The following NXPH1 variants were observed in gnomAD, a reference collection of about 807,000 sequenced individuals.
The protein encoded by NXPH1 is neurexophilin-1.
In NXPH1, 5 loss-of-function variants were observed where a neutral mutation model predicts 23.7. The ratio of observed to expected loss-of-function variants is 0.21; its 90% CI spans 0.11 to 0.44. The LOEUF (loss-of-function observed/expected upper bound fraction) is 0.44, where lower values mean the gene tolerates loss of function less well. Among genes scored for constraint, NXPH1 ranks in the 20% least tolerant of loss-of-function variants. NXPH1 has a pLI of 0.99. For synonymous variants in NXPH1, 144 were observed against 122.2 expected (o/e 1.18, Z -1.18); for missense variants, 324 against 321.6 (o/e 1.01, Z -0.06).
intron 2 of NXPH1, among the ~76,000 whole-genome samples, chr7:8,699,846 C>A (rs1779593540): frequency 6.6e-6 from 1 of 152,110 alleles, no homozygotes; most frequent in Non-Finnish European, 1.5e-5. Flanking sequence ...CCTTGCTCTT[C>A]ATGGTGATTT....
At chr7:8,625,122 A>G (rs1335757357) in intron 2 of NXPH1, among the ~76,000 whole-genome samples, 1 of 152,184 alleles carries the variant, frequency 6.6e-6, no homozygotes, top group Non-Finnish European at 1.5e-5. Flanking sequence ...GTCCCTATGT[A>G]GAAATAGAAT....
At chr7:8,626,568 T>C (rs979124727) in intron 2 of NXPH1, among the ~76,000 whole-genome samples, 12 of 152,090 alleles carry the variant, frequency 7.9e-5, no homozygotes, top group African/African-American at 2.9e-4. Flanking sequence ...TGATAAGAGA[T>C]AGGATTCATT....
intron 2 of NXPH1, among the ~76,000 whole-genome samples, chr7:8,605,508 T>G (rs1387372241): frequency 6.6e-6 from 1 of 152,134 alleles, no homozygotes; most frequent in African/African-American, 2.4e-5. Context: ...ACATTACTTG[T>G]CACAGAGAGG....
intron 2 of NXPH1, among the ~76,000 whole-genome samples, chr7:8,483,748 AGCATCTTGGGATCCC>A (rs1817112336): frequency 1.3e-5 from 2 of 152,180 alleles, no homozygotes; most frequent in South Asian, 4.1e-4. Flanking sequence ...GTACTCTTGT[AGCATCTTGGGATCCC>A]CTGAAAATTT....
At chr7:8,543,373 C>G (rs1259248650) in intron 2 of NXPH1, among the ~76,000 whole-genome samples, 1 of 151,672 alleles carries the variant, frequency 6.6e-6, no homozygotes, top group South Asian at 2.1e-4. Flanking sequence ...CTTCTCTGAA[C>G]TCCTACAGAA....
In NXPH1 at chr7:8,614,331, C is replaced by T. The variant is rs1306099539; in HGVS notation, c.55-136677C>T. On this transcript the variant is annotated intron_variant, in intron 2 of 2. Coordinates refer to ENST00000405863, the MANE Select transcript of NXPH1 (RefSeq NM_152745.3). ...AAACATTGTAAGAATTTTATGTGTG[C>T]TCTCTAAATGCCTTCCAAAAGGTTG... Among the ~76,000 whole-genome samples the T allele has an allele frequency of 4.0e-5, 6 of 151,862 alleles. No individual in the cohort carries two copies. In the South Asian group the frequency reaches 1.2e-3, roughly 31 times the overall value.
At chr7:8,635,421 G>T (rs1031934546) in intron 2 of NXPH1, among the ~76,000 whole-genome samples, 3 of 152,142 alleles carry the variant, frequency 2.0e-5, no homozygotes, top group African/African-American at 7.2e-5. Flanking sequence ...TGGTATAAAT[G>T]CATTCAATCT....
chr7:8,627,494 T>A (rs1196108802), intron 2 of NXPH1, among the ~76,000 whole-genome samples: 3 of 152,140 alleles, frequency 2.0e-5, no homozygotes, highest in Non-Finnish European at 4.4e-5. Context: ...ACCATCACTC[T>A]TGGCTCTTTG....
Position 8,474,722 on chromosome 7 carries a change from C to A in NXPH1, c.54+38955C>A, listed in dbSNP as rs147742723. 3.9e-5 allele frequency among the ~76,000 whole-genome samples: 6 copies of A among 152,236 alleles called. No homozygotes were observed. In the East Asian group the frequency reaches 1.2e-3, roughly 29 times the overall value. On this transcript the variant is annotated intron_variant, in intron 2 of 2. Coordinates refer to ENST00000405863, the MANE Select transcript of NXPH1 (RefSeq NM_152745.3). ...ACTCAATCTAGCCCTGATCAGTCAC[C>A]TTTTTCTTCTAGTTCACTTCATCGA...
chr7:8,463,489 G>A (rs1249334598), intron 2 of NXPH1, among the ~76,000 whole-genome samples: 1 of 151,798 alleles, frequency 6.6e-6, no homozygotes, highest in Non-Finnish European at 1.5e-5. Context: ...CTGGGTCAAG[G>A]ATATGCCAAT....
At chr7:8,467,752 T>G (rs765695710) in intron 2 of NXPH1, among the ~76,000 whole-genome samples, 3 of 152,132 alleles carry the variant, frequency 2.0e-5, no homozygotes, top group South Asian at 2.1e-4. Flanking sequence ...AGTAACAAGA[T>G]AGCAACCTCT....
chr7:8,470,864 A>C (rs532707360), intron 2 of NXPH1, among the ~76,000 whole-genome samples: 1 of 151,892 alleles, frequency 6.6e-6, no homozygotes, highest in East Asian at 1.9e-4. Context: ...GCGATGATGA[A>C]AATTGATTTT....
Position 8,506,284 on chromosome 7 carries a change from A to G in NXPH1, c.54+70517A>G, listed in dbSNP as rs372886850. ...TACTCCAAGGGAAGACCAAAGAGTC[A>G]AAGACCCAAGTTTGAGTTTTGGCTA... On this transcript the variant is annotated intron_variant, in intron 2 of 2. Coordinates refer to ENST00000405863, the MANE Select transcript of NXPH1 (RefSeq NM_152745.3). Among the ~76,000 whole-genome samples the G allele has an allele frequency of 1.6e-4, 25 of 152,212 alleles. No homozygotes were observed. In the South Asian group the frequency reaches 1.7e-3, roughly 10 times the overall value.
intron 2 of NXPH1, among the ~76,000 whole-genome samples, chr7:8,669,493 G>A (rs1820832768): frequency 6.6e-6 from 1 of 152,190 alleles, no homozygotes; most frequent in South Asian, 2.1e-4. Context: ...AACTGGTTTT[G>A]GCACTAGCTT....
chr7:8,455,597 C>G (rs557049975), intron 2 of NXPH1, among the ~76,000 whole-genome samples: 2 of 151,812 alleles, frequency 1.3e-5, no homozygotes, highest in African/African-American at 4.8e-5. Context: ...ATTGCCATTA[C>G]TGTCCAGAGA....
At chr7:8,546,120 T>C (rs1219438303) in intron 2 of NXPH1, among the ~76,000 whole-genome samples, 2 of 151,456 alleles carry the variant, frequency 1.3e-5, no homozygotes, top group Non-Finnish European at 3.0e-5. Flanking sequence ...TTTCATATAT[T>C]TTGTGGCTAG....
chr7:8,498,899 G>T (rs1412543344), intron 2 of NXPH1, among the ~76,000 whole-genome samples: 7 of 152,016 alleles, frequency 4.6e-5, no homozygotes, highest in Admixed American at 4.6e-4. Context: ...AGTGTGGGTG[G>T]CTTCCTTGAG....
chr7:8,616,010 C>A (rs1270107717), intron 2 of NXPH1, among the ~76,000 whole-genome samples: 3 of 152,000 alleles, frequency 2.0e-5, no homozygotes, highest in Non-Finnish European at 4.4e-5. Flanking sequence ...CCAGAGTGAC[C>A]ACATTAAAAT....
chr7:8,667,345 G>A (rs189596414), intron 2 of NXPH1, among the ~76,000 whole-genome samples: 3 of 148,648 alleles, frequency 2.0e-5, no homozygotes, highest in Admixed American at 1.4e-4. Context: ...CACATTTCAG[G>A]TCTGGTAGTA....
Sources: gnomAD v4.1 joint callset for allele counts (sites outside exome capture counted in the v4.1 genomes callset) on GRCh38, gnomAD v4.1.1 for gene constraint, MANE v1.5 for transcripts, NCBI Gene and HGNC (gene_info 2026-07-23, HGNC 2026-07-21) for gene names.